Variants in VPS13C observed in about 807,000 individuals in gnomAD.
The protein encoded by VPS13C is vacuolar protein sorting 13 homolog C.
In VPS13C, 358 loss-of-function variants were observed where a neutral mutation model predicts 456.8. The ratio of observed to expected loss-of-function variants is 0.78; its 90% CI spans 0.72 to 0.86. The LOEUF (loss-of-function observed/expected upper bound fraction) is 0.86. VPS13C is among the 40% of genes least tolerant of loss of function. The probability of loss-of-function intolerance (pLI) is 0.00; values close to 1 mark genes in which losing one functional copy is unlikely to be tolerated. For missense variants in VPS13C, 4,818 were observed against 4,385.4 expected (o/e 1.10, Z -2.79); for synonymous variants, 1,578 against 1,486.7 (o/e 1.06, Z -1.41).
chr15:61,972,822 A>G, intron 26 of VPS13C, 58 bp from the exon 27 acceptor site: 1 of 1,495,928 alleles, frequency 6.7e-7, no homozygotes. Context: ...ACTGCATGAA[A>G]CACTCAAATC....
At chr15:61,997,696 A>G (rs762807022) in intron 16 of VPS13C, among the ~76,000 whole-genome samples, 2 of 152,158 alleles carry the variant, frequency 1.3e-5, no homozygotes, top group African/African-American at 4.8e-5. Context: ...CTAGTCAGTC[A>G]GGAAATACTG....
rs372296973 is a variant in VPS13C at position 62,013,123 on chromosome 15, T to C, written c.745-4A>G. ...TAAGACTATCAAGTCGTATAAGCTA[T>C]AAGAGAAAAATGAAAGAGATCAGGC... On this transcript the variant is annotated splice_polypyrimidine_tract_variant and splice_region_variant and intron_variant, in intron 10 of 84. Coordinates refer to ENST00000644861, the MANE Select transcript of VPS13C (RefSeq NM_020821.3). The C allele has an allele frequency of 1.4e-5, 23 of 1,594,578 alleles. No homozygotes were observed. Among genetic ancestry groups the C allele is most frequent in the Non-Finnish European group, 1.8e-5 (21 of 1,170,702 alleles).
At chr15:61,974,107 G>C (rs940665608) in intron 25 of VPS13C, among the ~76,000 whole-genome samples, 181 bp downstream of exon 25, 3 of 152,028 alleles carry the variant, frequency 2.0e-5, no homozygotes, top group African/African-American at 7.2e-5. Context: ...TCTAAAGAAG[G>C]TTTTTGTTAG....
rs779129366 is a variant in VPS13C, at chr15:61,917,406, T to A, written c.7990A>T (p.Ile2664Phe). The A allele has an allele frequency of 6.2e-6, 10 of 1,614,014 alleles. No individual in the cohort carries two copies. The South Asian group carries it at 6.6e-5, about 11-fold the overall frequency. Residue 2664 changes from isoleucine (I) to phenylalanine (F), a missense_variant, in exon 60 of 85, where the codon ATT (isoleucine) becomes TTT (phenylalanine). Ile to Phe is a conservative substitution (Grantham distance 21). This residue lies in a region of VPS13C where 4,552 missense variants were observed against 4,130.6 expected (regional missense o/e 1.10). Coordinates refer to ENST00000644861, the MANE Select transcript of VPS13C (RefSeq NM_020821.3). ...HGEDWDVAYI[I>F]HLYPSLTLRN... The stretch of plus-strand genomic sequence containing the variant: ...AAAGTGAGAGAAGGATAAAGATGAA[T>A]AATGTAAGCTACATCCCAGTCTTCC...
At chr15:61,970,370 A>C (rs1278456815) in intron 27 of VPS13C, among the ~76,000 whole-genome samples, 1 of 152,184 alleles carries the variant, frequency 6.6e-6, no homozygotes, top group African/African-American at 2.4e-5. Flanking sequence ...AAGCAAAATA[A>C]AATAGTTGTT....
At position 61,982,471 on chromosome 15, in the gene VPS13C, T is replaced by C; in HGVS notation, c.2017A>G (p.Arg673Gly). 1.9e-6 allele frequency: 3 copies of C among 1,608,278 alleles called. No homozygotes were observed. Among genetic ancestry groups the C allele is most frequent in the Non-Finnish European group, 2.5e-6 (3 of 1,178,346 alleles). Residue 673 changes from arginine (R) to glycine (G), a missense_variant, in exon 21 of 85, where the codon AGA (arginine) becomes GGA (glycine). By Grantham distance (125) the Arg-to-Gly change is moderately radical. Transcript: ENST00000644861. ...TCAAATTCTTCACCTGTAGCTGTTCTCTCCTTAATTTCTTCCAGCTTCATC... is the reference window on the plus strand; with the variant it reads ...TCAAATTCTTCACCTGTAGCTGTTCCCTCCTTAATTTCTTCCAGCTTCATC... Reference protein sequence around the residue: ...TLMKLEEIKERTATGLTHIIE... With the variant: ...TLMKLEEIKEGTATGLTHIIE...
At chr15:61,949,658 C>T (rs1460612746) in intron 41 of VPS13C, 53 bp from the exon 42 acceptor site, 1 of 1,538,826 alleles carries the variant, frequency 6.5e-7, no homozygotes, top group Non-Finnish European at 8.8e-7. Context: ...AAAATCTTTA[C>T]ATCAGGGTTC....
intron 66 of VPS13C, among the ~76,000 whole-genome samples, chr15:61,905,824 T>C (rs1220633967): frequency 6.6e-6 from 1 of 152,134 alleles, no homozygotes; most frequent in Non-Finnish European, 1.5e-5. Flanking sequence ...AAATGGGATA[T>C]AAATATATAG....
rs749221725 is a variant in VPS13C at position 62,035,021 on chromosome 15, G to A, written c.219C>T (p.Asn73=). 6.2e-7 allele frequency: 1 copy of A among 1,607,042 alleles called. No homozygotes were observed. The highest frequency in any genetic ancestry group is 8.5e-7 in the Non-Finnish European group (1 of 1,175,928). ...DKLTLKIPWK[N]LYGEAVVATL... ...TCGCAACAACTGCTTCTCCATAAAGGTTCTTCCAAGGAATCTTCAAAGTTA... is the reference window on the plus strand; with the variant it reads ...TCGCAACAACTGCTTCTCCATAAAGATTCTTCCAAGGAATCTTCAAAGTTA... The change falls in exon 4 of 85, where the codon AAC becomes AAT. Residue 73 remains asparagine (N), a synonymous_variant. Transcript: ENST00000644861.
chr15:61,945,698 T>G lies in VPS13C; in HGVS notation c.5148+17A>C, dbSNP rs750650985. 10 of 1,563,708 alleles carry G rather than the reference T, an allele frequency of 6.4e-6. No homozygotes were observed. The South Asian group carries it at 1.1e-4, about 17-fold the overall frequency. On this transcript the variant is annotated intron_variant, in intron 45 of 84. Transcript: ENST00000644861. ...TTTAGGCCTCAGTGAGGAATAAATA[T>G]ATTTTTAAAAACTTACCAAAAGAGA...
At chr15:62,003,113 A>G (rs1339050410) in intron 15 of VPS13C, among the ~76,000 whole-genome samples, 11 of 152,078 alleles carry the variant, frequency 7.2e-5, no homozygotes, top group Admixed American at 1.3e-4. Context: ...CTTGGGCAGT[A>G]TGGCCATTTT....
At chr15:61,967,493 C>A in intron 28 of VPS13C, 46 bp from the exon 29 acceptor site, 1 of 1,423,174 alleles carries the variant, frequency 7.0e-7, no homozygotes, top group Non-Finnish European at 9.7e-7. Context: ...ATAAATTGCT[C>A]TTTTGTAATT....
Position 61,867,978 on chromosome 15 carries a change from G to T in VPS13C, c.10863+681C>A, listed in dbSNP as rs775966378. Reference sequence around the variant, plus strand: ...CAGGCAGAAAAACAAAGAAAATAAAGTTAGAAGCATGCAGAAAGATAGATA... The same window carrying T: ...CAGGCAGAAAAACAAAGAAAATAAATTTAGAAGCATGCAGAAAGATAGATA... On this transcript the variant is annotated intron_variant, in intron 81 of 84. Transcript: ENST00000644861. This position sits in a 1 kb window ranked among gnomAD's most constrained non-coding sequence, Gnocchi z 5.0. The T allele has an allele frequency of 4.9e-6, 7 of 1,430,920 alleles. No homozygotes were observed. The highest frequency in any genetic ancestry group is 6.9e-6 in the Non-Finnish European group (7 of 1,017,262). The allele number at this position is 1,430,920 out of a possible 1,614,324, so 88.6% of individuals were successfully genotyped here.
chr15:61,962,475 C>T lies in VPS13C; in HGVS notation c.3499G>A (p.Glu1167Lys). The T allele has an allele frequency of 6.2e-7, 1 of 1,612,058 alleles. No individual in the cohort carries two copies. Among genetic ancestry groups the T allele is most frequent in the African/African-American group, 1.3e-5 (1 of 74,988 alleles). The change falls in exon 34 of 85, where the codon GAG (glutamate) becomes AAG (lysine). Residue 1167 changes from glutamate (E) to lysine (K), a missense_variant. Coordinates refer to ENST00000644861, the MANE Select transcript of VPS13C (RefSeq NM_020821.3). ...FNLDLYPDAT[E>K]GDLYTDMSKV... ...GACATGTCAGTATACAAATCCCCCT[C>T]AGTAGCATCTGGATACAAATCCAAA...
chr15:61,929,771 T>C, intron 50 of VPS13C, 23 bp from the exon 51 acceptor site: 2 of 1,592,132 alleles, frequency 1.3e-6, no homozygotes, highest in Admixed American at 1.7e-5. Context: ...ATGCTATTCA[T>C]TATTTTATTC....
chr15:61,877,532 T>A (rs1461866454), intron 74 of VPS13C, among the ~76,000 whole-genome samples: 1 of 149,458 alleles, frequency 6.7e-6, no homozygotes, highest in South Asian at 2.1e-4. Flanking sequence ...CAATTTTTGC[T>A]AAAATAATTA....
At chr15:62,051,264 C>G (rs1290466668) in intron 1 of VPS13C, among the ~76,000 whole-genome samples, 1 of 152,196 alleles carries the variant, frequency 6.6e-6, no homozygotes, top group Non-Finnish European at 1.5e-5. Context: ...TAAATACTGA[C>G]TTCAGAATGC....
At chr15:61,905,488 G>T (rs763682381) in intron 66 of VPS13C, among the ~76,000 whole-genome samples, 7 of 152,082 alleles carry the variant, frequency 4.6e-5, no homozygotes, top group African/African-American at 7.2e-5. Flanking sequence ...TAACTGATGG[G>T]AAGCATGGTC....
At chr15:62,004,941 G>C (rs1338548169) in intron 15 of VPS13C, among the ~76,000 whole-genome samples, 2 of 151,802 alleles carry the variant, frequency 1.3e-5, no homozygotes, top group African/African-American at 4.8e-5. Context: ...TTACTTCCAA[G>C]TATATGGTCA....
Sources: allele counts gnomAD v4.1 joint callset (sites outside exome capture counted in the v4.1 genomes callset), GRCh38; gene constraint gnomAD v4.1.1; regional missense constraint gnomAD v4.1.1; non-coding constraint Gnocchi (gnomAD v3.1); transcripts MANE v1.5; gene names NCBI Gene and HGNC (gene_info 2026-07-23, HGNC 2026-07-21).